Variants in LY9 observed in about 807,000 individuals in gnomAD.
LY9 encodes lymphocyte antigen 9.
LY9 carries 59 observed loss-of-function variants against 64.6 expected under a neutral mutation model. The ratio of observed to expected loss-of-function variants is 0.91; its 90% CI spans 0.74 to 1.13. The LOEUF (loss-of-function observed/expected upper bound fraction) is 1.13, where lower values mean the gene tolerates loss of function less well. Ranked by LOEUF, LY9 falls within the 50% of genes most tolerant of loss-of-function variation. The pLI, the probability that LY9 is intolerant of heterozygous loss-of-function variation, is 0.00. For synonymous variants in LY9, 281 were observed against 308.5 expected, an observed-to-expected ratio of 0.91 and a Z score of 0.93; for missense variants, 789 against 797.2, an observed-to-expected ratio of 0.99 and a Z score of 0.12.
rs1355858739 is a variant in LY9, at chr1:160,802,946, A to G, written c.454+2864A>G. On this transcript the variant is annotated intron_variant, in intron 2 of 9. Coordinates refer to ENST00000263285, the MANE Select transcript of LY9 (RefSeq NM_002348.4). ...TTTGTTCTTTTTGCTTAGCATTGCT[A>G]TGACTATTCATGGTCTTTTGTGCTT... 2.0e-5 allele frequency among the ~76,000 whole-genome samples: 3 copies of G among 152,204 alleles called. No homozygotes were observed. The South Asian group carries it at 6.2e-4, about 32-fold the overall frequency.
Position 160,803,970 on chromosome 1 carries a change from A to G in LY9, c.454+3888A>G, listed in dbSNP as rs533486786. On this transcript the variant is annotated intron_variant, in intron 2 of 9. Coordinates refer to ENST00000263285, the MANE Select transcript of LY9 (RefSeq NM_002348.4). ...GGCTGCAGTGAGTCATGACTATACCACTGCACTACAGCCTGGGTGAAAAAA... is the reference window on the plus strand; with the variant it reads ...GGCTGCAGTGAGTCATGACTATACCGCTGCACTACAGCCTGGGTGAAAAAA... Among the ~76,000 whole-genome samples, 10 of 152,302 alleles carry G rather than the reference A, an allele frequency of 6.6e-5. No homozygotes were observed. In the South Asian group the frequency reaches 2.1e-3, roughly 32 times the overall value.
At chr1:160,806,098 A>T (rs2101764464) in intron 2 of LY9, among the ~76,000 whole-genome samples, 1 of 152,236 alleles carries the variant, frequency 6.6e-6, no homozygotes, top group Middle Eastern at 3.4e-3. Flanking sequence ...ATTAACATAT[A>T]GATGGATCAT....
chr1:160,802,303 T>C (rs1666572871), intron 2 of LY9: 1 of 990,228 alleles, frequency 1.0e-6, no homozygotes, highest in Non-Finnish European at 1.2e-6. Context: ...TCCCGCACAC[T>C]GCACCCATTT....
intron 2 of LY9, chr1:160,809,744 A>G (rs780648511): frequency 6.6e-6 from 1 of 152,192 alleles, no homozygotes; most frequent in Non-Finnish European, 1.5e-5. Context: ...TGTTTGAGAG[A>G]CACCATTTCC....
chr1:160,817,235 T>C (rs943640865), intron 5 of LY9, among the ~76,000 whole-genome samples: 2 of 152,242 alleles, frequency 1.3e-5, no homozygotes, highest in Admixed American at 6.5e-5. Context: ...TGCTAAATTT[T>C]CACTGAAAGT....
At chr1:160,814,361 T>G in intron 3 of LY9, 59 bp from the exon 4 acceptor site, 1 of 1,350,542 alleles carries the variant, frequency 7.4e-7, no homozygotes, top group Non-Finnish European at 1.0e-6. Context: ...TTAGGATGCC[T>G]GGGGGCCAAG....
chr1:160,805,953 CT>C (rs1262053093), intron 2 of LY9, among the ~76,000 whole-genome samples: 1 of 81,368 alleles, frequency 1.2e-5, no homozygotes, highest in Non-Finnish European at 2.4e-5. Flanking sequence ...CTGTTTTTGA[CT>C]TAAAGTTTGT....
intron 2 of LY9, among the ~76,000 whole-genome samples, chr1:160,808,579 G>A (rs1207652207): frequency 6.6e-6 from 1 of 152,102 alleles, no homozygotes; most frequent in African/African-American, 2.4e-5. Flanking sequence ...GGCCACTGGA[G>A]GTCTCTCGCT....
In LY9 at chr1:160,813,859, C is replaced by A. The variant is rs1487780697; in HGVS notation, c.678C>A (p.Asn226Lys). The change falls in exon 3 of 10, where the codon AAC becomes AAA. Residue 226 changes from asparagine (N) to lysine (K), a missense_variant. Asn to Lys is a moderately conservative substitution (Grantham distance 94, BLOSUM62 0). Coordinates refer to ENST00000263285, the MANE Select transcript of LY9 (RefSeq NM_002348.4). Reference protein sequence around the residue: ...PDLPYICTAQNPVSQRSSLPV... With the variant: ...PDLPYICTAQKPVSQRSSLPV... The stretch of plus-strand genomic sequence containing the variant: ...TGCCATACATCTGCACAGCCCAGAA[C>A]CCCGTCAGCCAGAGAAGCTCCCTCC... 2 of 1,614,168 alleles carry A rather than the reference C, an allele frequency of 1.2e-6. No individual in the cohort carries two copies. Among genetic ancestry groups the A allele is most frequent in the Non-Finnish European group, 1.7e-6 (2 of 1,180,028 alleles).
Position 160,827,763 on chromosome 1 carries a change from C to T in LY9, c.1915C>T (p.Gln639Ter), listed in dbSNP as rs775115570. 2 of 1,610,500 alleles carry T rather than the reference C, an allele frequency of 1.2e-6. No homozygotes were observed. The highest frequency in any genetic ancestry group is 1.7e-6 in the Non-Finnish European group (2 of 1,178,528). Residue 639 changes from glutamine to a stop codon, truncating the protein, a stop_gained, in exon 10 of 10, where the codon CAA (glutamine) becomes TAA (stop). Coordinates refer to ENST00000263285, the MANE Select transcript of LY9 (RefSeq NM_002348.4). LOFTEE classifies it high-confidence loss of function. Reference protein sequence around the residue: ...IRKPQVVPPPQQNDLEIPESP... With the variant: ...IRKPQVVPPP Reference sequence around the variant, plus strand: ...TGGCTCACAGGTGGTGCCACCACCACAACAGAATGATCTTGAGATTCCTGA... The same window carrying T: ...TGGCTCACAGGTGGTGCCACCACCATAACAGAATGATCTTGAGATTCCTGA...
chr1:160,816,520 T>C (rs1667957695), intron 4 of LY9, 74 bp from the exon 5 acceptor site: 3 of 1,461,636 alleles, frequency 2.1e-6, no homozygotes, highest in Non-Finnish European at 2.8e-6. Context: ...TGAATATATT[T>C]TCAATGAATG....
chr1:160,814,636 C>T lies in LY9; in HGVS notation c.947C>T (p.Ser316Phe), dbSNP rs1213729972. The T allele has an allele frequency of 6.2e-7, 1 of 1,614,146 alleles. No homozygotes were observed. Among genetic ancestry groups the T allele is most frequent in the Non-Finnish European group, 8.5e-7 (1 of 1,180,022 alleles). ...RDPYKNRVWV[S>F]SQDCSLKISQ... The stretch of plus-strand genomic sequence containing the variant: ...CCTTACAAGAACAGGGTGTGGGTCT[C>T]CAGCCAGGACTGCTCCCTGAAGATC... Residue 316 changes from serine to phenylalanine, a missense_variant, in exon 4 of 10, where the codon TCC becomes TTC. Physicochemically the swap from Ser to Phe is radical, Grantham distance 155. Coordinates refer to ENST00000263285, the MANE Select transcript of LY9 (RefSeq NM_002348.4).
At chr1:160,806,707 C>T (rs1179948934) in intron 2 of LY9, among the ~76,000 whole-genome samples, 2 of 152,158 alleles carry the variant, frequency 1.3e-5, no homozygotes, top group Non-Finnish European at 2.9e-5. Context: ...TCATGGAGAT[C>T]TTTTTGCATT....
chr1:160,801,423 GTTAT>G (rs367691704), intron 2 of LY9, among the ~76,000 whole-genome samples: 144 of 152,192 alleles, frequency 9.5e-4, no homozygotes, highest in Middle Eastern at 3.4e-3. Context: ...TTCTTGTTGA[GTTAT>G]TTGAGTTCCT....
intron 2 of LY9, among the ~76,000 whole-genome samples, chr1:160,808,955 G>A (rs186393597): frequency 3.3e-5 from 5 of 152,036 alleles, no homozygotes; most frequent in Admixed American, 1.3e-4. Context: ...AGACACACCC[G>A]TAAATTCCTT....
In LY9 at chr1:160,827,829, C is replaced by A; in HGVS notation, c.*13C>A. ...AAATTTCACCTGAAAGGAAAAGCAG[C>A]TGCTGCCTCTCTCCTGGGACCGTGG... On this transcript the variant is annotated 3_prime_UTR_variant, in exon 10 of 10. Transcript: ENST00000263285. The A allele has an allele frequency of 6.2e-7, 1 of 1,605,322 alleles. No homozygotes were observed. Among genetic ancestry groups the A allele is most frequent in the East Asian group, 2.3e-5 (1 of 44,158 alleles).
chr1:160,804,843 C>A (rs1479060193), intron 2 of LY9, among the ~76,000 whole-genome samples: 1 of 151,958 alleles, frequency 6.6e-6, no homozygotes, highest in African/African-American at 2.4e-5. Context: ...AGGAATTTAT[C>A]CATTTTCTCT....
intron 7 of LY9, among the ~76,000 whole-genome samples, chr1:160,823,167 T>A (rs1668608231): frequency 6.6e-6 from 1 of 152,238 alleles, no homozygotes; most frequent in Non-Finnish European, 1.5e-5. Context: ...ACCTTTGTGT[T>A]TCCCCAGAGT....
At chr1:160,826,331 A>G (rs1668850296) in intron 9 of LY9, among the ~76,000 whole-genome samples, 2 of 152,072 alleles carry the variant, frequency 1.3e-5, no homozygotes, top group South Asian at 2.1e-4. Context: ...GTAAAAGGGG[A>G]GGCAGGAGAG....
Sources: allele counts gnomAD v4.1 joint callset (sites outside exome capture counted in the v4.1 genomes callset), GRCh38; gene constraint gnomAD v4.1.1; transcripts MANE v1.5; gene names NCBI Gene and HGNC (gene_info 2026-07-23, HGNC 2026-07-21).